Variants in STAMBPL1 observed in about 807,000 individuals in gnomAD.
STAMBPL1 encodes the protein STAM binding protein like 1.
In STAMBPL1, 44 loss-of-function variants were observed where a neutral mutation model predicts 52.9. The observed-to-expected ratio is 0.83, with a 90% CI of 0.65 to 1.07. The LOEUF is 1.07. Among genes scored for constraint, STAMBPL1 ranks in the 50% least tolerant of loss-of-function variants. The pLI is 0.00. For synonymous variants in STAMBPL1, 164 were observed against 177.3 expected (o/e 0.92, Z 0.60); for missense variants, 511 against 520.8 (o/e 0.98, Z 0.18).
At chr10:88,911,300 C>A (rs1845218116) in intron 5 of STAMBPL1, among the ~76,000 whole-genome samples, 1 of 152,182 alleles carries the variant, frequency 6.6e-6, no homozygotes, top group Non-Finnish European at 1.5e-5. Flanking sequence ...AGCCAGATAA[C>A]CTTGAGCCAG....
At chr10:88,921,450 T>G in intron 9 of STAMBPL1, 55 bp downstream of exon 9, 1 of 1,418,310 alleles carries the variant, frequency 7.1e-7, no homozygotes. Flanking sequence ...GGCTGCTGGG[T>G]TCCTGTGTGT....
chr10:88,897,386 G>C (rs1210277438), intron 1 of STAMBPL1, among the ~76,000 whole-genome samples: 1 of 152,024 alleles, frequency 6.6e-6, no homozygotes, highest in East Asian at 1.9e-4. Context: ...CTCTATAAAA[G>C]GTCAGATTAA....
At chr10:88,897,154 T>C (rs1035579492) in intron 1 of STAMBPL1, among the ~76,000 whole-genome samples, 1 of 152,142 alleles carries the variant, frequency 6.6e-6, no homozygotes, top group African/African-American at 2.4e-5. Context: ...TTGGAGAGGA[T>C]ACTTACCCCC....
At chr10:88,898,888 C>T in intron 1 of STAMBPL1, among the ~76,000 whole-genome samples, 1 of 152,176 alleles carries the variant, frequency 6.6e-6, no homozygotes. Flanking sequence ...AGGCATGGGA[C>T]CCAGACTTTG....
At chr10:88,905,410 C>G in intron 2 of STAMBPL1, 33 bp from the exon 3 acceptor site, 1 of 1,524,614 alleles carries the variant, frequency 6.6e-7, no homozygotes, top group Non-Finnish European at 9.1e-7. Flanking sequence ...CTATAATCAA[C>G]AGTTAATCAG....
At chr10:88,914,309 T>C (rs1845311769) in intron 6 of STAMBPL1, among the ~76,000 whole-genome samples, 1 of 152,184 alleles carries the variant, frequency 6.6e-6, no homozygotes, top group South Asian at 2.1e-4. Flanking sequence ...GTAAAAGTGC[T>C]TGTACCTTCT....
chr10:88,913,502 G>A (rs750382473), intron 6 of STAMBPL1, 44 bp downstream of exon 6: 1 of 1,506,476 alleles, frequency 6.6e-7, no homozygotes, highest in Non-Finnish European at 9.0e-7. Context: ...AGCCTCATCG[G>A]ATGGAACCAT....
At chr10:88,912,704 TAATC>T (rs1477319570) in intron 5 of STAMBPL1, 1 of 159,322 alleles carries the variant, frequency 6.3e-6, no homozygotes, top group African/African-American at 2.4e-5. Flanking sequence ...TGTTTAATTT[TAATC>T]AAGTTCAAAT....
At chr10:88,888,468 G>A (rs1016760116) in intron 1 of STAMBPL1, among the ~76,000 whole-genome samples, 3 of 152,184 alleles carry the variant, frequency 2.0e-5, no homozygotes, top group Non-Finnish European at 2.9e-5. Flanking sequence ...AGGACTTGGG[G>A]CCCAGAATTT....
At chr10:88,922,906 G>T (rs1460973048) in intron 10 of STAMBPL1, among the ~76,000 whole-genome samples, 1 of 151,694 alleles carries the variant, frequency 6.6e-6, no homozygotes, top group Non-Finnish European at 1.5e-5. Flanking sequence ...AATTTTCTTG[G>T]AGGTTCTGTG....
rs1845563769 is a variant in STAMBPL1 at position 88,923,369 on chromosome 10, C to A, written c.*145C>A. On this transcript the variant is annotated 3_prime_UTR_variant, in exon 11 of 11. Transcript: ENST00000371926. ...CAAAGCTTGATATTTATTGCTGTTG[C>A]ACATTTTAAAGTTTTCTTTTTGGGT... 1.4e-6 allele frequency: 2 copies of A among 1,379,410 alleles called. No individual in the cohort carries two copies. Among genetic ancestry groups the A allele is most frequent in the Admixed American group, 7.2e-5 (2 of 27,808 alleles). The allele number at this position is 1,379,410 out of a possible 1,614,324, so 85.4% of individuals were successfully genotyped here.
intron 8 of STAMBPL1, 46 bp from the exon 9 acceptor site, chr10:88,921,237 G>A: frequency 1.3e-6 from 2 of 1,488,828 alleles, no homozygotes; most frequent in Admixed American, 1.7e-5. Context: ...TATGGCCTTG[G>A]CTAAGACAGC....
intron 8 of STAMBPL1, among the ~76,000 whole-genome samples, chr10:88,918,401 AT>A (rs1234342134): frequency 1.3e-5 from 2 of 152,140 alleles, no homozygotes; most frequent in African/African-American, 4.8e-5. Flanking sequence ...GTAAATTACT[AT>A]GTGCTATCAG....
chr10:88,908,755 C>T lies in STAMBPL1; in HGVS notation c.302C>T (p.Pro101Leu). Residue 101 changes from proline to leucine, a missense_variant, in exon 4 of 11, where the codon CCT becomes CTT. Physicochemically the swap from Pro to Leu is moderately conservative, Grantham distance 98. Coordinates refer to ENST00000371926, the MANE Select transcript of STAMBPL1 (RefSeq NM_020799.4). ...CGAGATTACCAGCAATGTGCAGTAC[C>T]TGAAAAGCAGGATATTATGAAGGTA... Reference protein sequence around the residue: ...NHRDYQQCAVPEKQDIMKKLK... With the variant: ...NHRDYQQCAVLEKQDIMKKLK... 1 of 1,607,792 alleles carries T rather than the reference C, an allele frequency of 6.2e-7. No individual in the cohort carries two copies.
At chr10:88,902,681 C>T (rs1844974327) in intron 2 of STAMBPL1, among the ~76,000 whole-genome samples, 1 of 152,162 alleles carries the variant, frequency 6.6e-6, no homozygotes. Flanking sequence ...TGCCATTCTC[C>T]TGCCTCAGCC....
intron 6 of STAMBPL1, 142 bp downstream of exon 6, chr10:88,913,600 A>G (rs1434320827): frequency 4.4e-6 from 3 of 686,192 alleles, no homozygotes; most frequent in Non-Finnish European, 7.1e-6. Context: ...GAAAGAATTA[A>G]CCTTTCAATA....
chr10:88,913,810 A>G (rs1845295112), intron 6 of STAMBPL1, among the ~76,000 whole-genome samples: 1 of 152,178 alleles, frequency 6.6e-6, no homozygotes, highest in African/African-American at 2.4e-5. Flanking sequence ...CTGGGGAGAA[A>G]AGGTGTGAGA....
At chr10:88,884,870 G>A (rs771681165) in intron 1 of STAMBPL1, among the ~76,000 whole-genome samples, 2 of 152,230 alleles carry the variant, frequency 1.3e-5, no homozygotes, top group African/African-American at 4.8e-5. Flanking sequence ...CCTTGGACAA[G>A]TTACTAACTT....
At chr10:88,922,188 G>T (rs1466259862) in intron 9 of STAMBPL1, 149 bp from the exon 10 acceptor site, 19 of 749,570 alleles carry the variant, frequency 2.5e-5, no homozygotes, top group Non-Finnish European at 4.1e-5. Flanking sequence ...ACCAGTCATT[G>T]GTTTAAAAAA....
Sources: allele counts gnomAD v4.1 joint callset (sites outside exome capture counted in the v4.1 genomes callset), GRCh38; gene constraint gnomAD v4.1.1; transcripts MANE v1.5; gene names NCBI Gene and HGNC (gene_info 2026-07-23, HGNC 2026-07-21).